Variants in SLC14A2 observed in about 807,000 individuals in gnomAD.
The protein encoded by SLC14A2 is solute carrier family 14 member 2, also known as urea transporter 2.
A neutral mutation model predicts 104.6 loss-of-function variants in SLC14A2; 91 were observed. That is an observed-to-expected ratio of 0.87 (90% CI 0.73 to 1.04). The LOEUF is 1.04. SLC14A2 is among the 50% of genes least tolerant of loss of function. SLC14A2 has a pLI of 0.00. For synonymous variants in SLC14A2, 476 were observed against 466.4 expected, an observed-to-expected ratio of 1.02 and a Z score of -0.27; for missense variants, 1,189 against 1,156.0, an observed-to-expected ratio of 1.03 and a Z score of -0.41.
At chr18:45,280,665 A>G (rs2084753219) in intron 1 of SLC14A2, among the ~76,000 whole-genome samples, 2 of 152,098 alleles carry the variant, frequency 1.3e-5, no homozygotes, top group Non-Finnish European at 2.9e-5. Flanking sequence ...TCCTGGAGGC[A>G]TTTGTCATTG....
intron 2 of SLC14A2, among the ~76,000 whole-genome samples, chr18:45,539,725 C>T (rs545508242): frequency 2.6e-5 from 4 of 152,204 alleles, no homozygotes; most frequent in African/African-American, 9.6e-5. Flanking sequence ...CTTTTAATTA[C>T]ATGTGACGAA....
intron 2 of SLC14A2, among the ~76,000 whole-genome samples, chr18:45,483,659 G>C (rs978086159): frequency 1.3e-5 from 2 of 152,196 alleles, no homozygotes. Flanking sequence ...GAATGGGTGA[G>C]AGAAAAGATA....
intron 1 of SLC14A2, among the ~76,000 whole-genome samples, chr18:45,411,263 T>C (rs1242483036): frequency 6.6e-6 from 1 of 152,218 alleles, no homozygotes; most frequent in East Asian, 1.9e-4. Flanking sequence ...TGTAAATTTA[T>C]CCAGTGCTTT....
At chr18:45,353,088 G>T (rs1796701592) in intron 1 of SLC14A2, among the ~76,000 whole-genome samples, 1 of 152,200 alleles carries the variant, frequency 6.6e-6, no homozygotes, top group African/African-American at 2.4e-5. Flanking sequence ...TGCTGGGATT[G>T]GCCAAGACTC....
chr18:45,664,006 C>A (rs1567999932), intron 11 of SLC14A2, 99 bp downstream of exon 11: 3 of 1,295,744 alleles, frequency 2.3e-6, no homozygotes, highest in Admixed American at 2.5e-5. Flanking sequence ...GGTGGGGAGA[C>A]CCGCTGGAGT....
chr18:45,256,375 C>T (rs1180527803), intron 1 of SLC14A2, among the ~76,000 whole-genome samples: 1 of 152,210 alleles, frequency 6.6e-6, no homozygotes, highest in East Asian at 1.9e-4. Flanking sequence ...CACCCCCTTC[C>T]ATCTCTTTGA....
chr18:45,490,987 T>C (rs2042987150), intron 2 of SLC14A2, among the ~76,000 whole-genome samples: 1 of 152,206 alleles, frequency 6.6e-6, no homozygotes, highest in Non-Finnish European at 1.5e-5. Flanking sequence ...TTATGGGAAA[T>C]GGGCACTGCC....
At chr18:45,679,114 A>C in intron 19 of SLC14A2, 90 bp downstream of exon 19, 1 of 1,193,856 alleles carries the variant, frequency 8.4e-7, no homozygotes. Flanking sequence ...TCTCTCCTCT[A>C]AGAACTCTTC....
At chr18:45,578,881 G>T (rs1312374961) in intron 2 of SLC14A2, among the ~76,000 whole-genome samples, 1 of 152,198 alleles carries the variant, frequency 6.6e-6, no homozygotes, top group African/African-American at 2.4e-5. Flanking sequence ...GTTTCTGGGG[G>T]CTGGCTGGTC....
chr18:45,379,031 GA>G (rs753034350), intron 1 of SLC14A2, among the ~76,000 whole-genome samples: 4 of 152,280 alleles, frequency 2.6e-5, no homozygotes, highest in Admixed American at 2.6e-4. Flanking sequence ...AAAAGTGACT[GA>G]ATCTTGTTAA....
chr18:45,441,073 T>A (rs2144581420), intron 1 of SLC14A2, among the ~76,000 whole-genome samples: 1 of 152,332 alleles, frequency 6.6e-6, no homozygotes, highest in African/African-American at 2.4e-5. Flanking sequence ...ACCATCTGAC[T>A]GCTTCTGCCT....
intron 1 of SLC14A2, among the ~76,000 whole-genome samples, chr18:45,270,279 T>C (rs567618328): frequency 1.3e-5 from 2 of 152,258 alleles, no homozygotes; most frequent in South Asian, 4.1e-4. Context: ...TCTTCTGTTG[T>C]TCACATCCCA....
intron 1 of SLC14A2, among the ~76,000 whole-genome samples, chr18:45,247,008 C>G (rs1182327514): frequency 6.6e-6 from 1 of 152,178 alleles, no homozygotes; most frequent in Non-Finnish European, 1.5e-5. Context: ...AAAGGACTGC[C>G]TTGCCTGCAG....
chr18:45,640,450 T>C (rs532204837), intron 7 of SLC14A2, among the ~76,000 whole-genome samples: 1 of 152,228 alleles, frequency 6.6e-6, no homozygotes, highest in East Asian at 1.9e-4. Context: ...TTTGGTAAGA[T>C]ACAAAGAAAA....
intron 1 of SLC14A2, among the ~76,000 whole-genome samples, chr18:45,416,957 C>T (rs949986089): frequency 3.3e-5 from 5 of 152,152 alleles, no homozygotes; most frequent in Non-Finnish European, 7.3e-5. Flanking sequence ...GGTCCCAGTG[C>T]CTATGGAGCA....
chr18:45,431,358 C>G (rs1277788235), intron 1 of SLC14A2, among the ~76,000 whole-genome samples: 1 of 152,066 alleles, frequency 6.6e-6, no homozygotes, highest in Non-Finnish European at 1.5e-5. Context: ...AATCCTGGCC[C>G]CTCACTACCT....
intron 1 of SLC14A2, among the ~76,000 whole-genome samples, chr18:45,271,348 TA>T (rs1157264916): frequency 6.6e-6 from 1 of 152,136 alleles, no homozygotes; most frequent in African/African-American, 2.4e-5. Flanking sequence ...TTCTAGGAGC[TA>T]AAAGATCATG....
intron 1 of SLC14A2, among the ~76,000 whole-genome samples, chr18:45,419,560 G>A (rs1003394538): frequency 2.4e-4 from 37 of 152,294 alleles, no homozygotes; most frequent in Admixed American, 7.2e-4. Flanking sequence ...GATCACCTGA[G>A]GTCAGGAGAT....
chr18:45,368,445 GGAGTCAGA>G (rs1361081565), intron 1 of SLC14A2, among the ~76,000 whole-genome samples: 3 of 152,188 alleles, frequency 2.0e-5, no homozygotes, highest in Admixed American at 1.3e-4. Flanking sequence ...TAAGCCACCA[GGAGTCAGA>G]GACTGAGATG....
Sources: gnomAD v4.1 joint callset for allele counts (sites outside exome capture counted in the v4.1 genomes callset) on GRCh38, gnomAD v4.1.1 for gene constraint, MANE v1.5 for transcripts, NCBI Gene and HGNC (gene_info 2026-07-23, HGNC 2026-07-21) for gene names.